NPTN: variants seen among roughly 807,000 people sequenced by gnomAD.
NPTN encodes SDR-1.
In NPTN, 5 loss-of-function variants were observed where a neutral mutation model predicts 42.7. The ratio of observed to expected loss-of-function variants is 0.12; its 90% CI spans 0.06 to 0.25. The LOEUF (loss-of-function observed/expected upper bound fraction) is 0.25. NPTN is among the 10% of genes least tolerant of loss of function. The pLI, the probability that NPTN is intolerant of heterozygous loss-of-function variation, is 1.00. For synonymous variants in NPTN, 180 were observed against 201.9 expected (o/e 0.89, Z 0.92); for missense variants, 307 against 525.4 (o/e 0.58, Z 4.06).
intron 4 of NPTN, among the ~76,000 whole-genome samples, chr15:73,580,588 TTATATATG>T (rs538340001): frequency 0.022 from 2,607 of 119,230 alleles, 99 homozygotes; most frequent in African/African-American, 0.081. Context: ...TATATACATG[TTATATATG>T]TATATATGTA....
intron 1 of NPTN, among the ~76,000 whole-genome samples, chr15:73,609,736 CCTTA>C (rs1897476521): frequency 6.6e-6 from 1 of 151,944 alleles, no homozygotes; most frequent in Non-Finnish European, 1.5e-5. Context: ...GCTTTTTTCC[CCTTA>C]CTTTTTTATA....
intron 1 of NPTN, among the ~76,000 whole-genome samples, chr15:73,629,457 G>T (rs939427527): frequency 1.3e-5 from 2 of 151,874 alleles, no homozygotes; most frequent in East Asian, 3.9e-4. Flanking sequence ...AGAGAAAATT[G>T]CTAAACCACT....
rs1225394719 is a variant in NPTN, at chr15:73,620,243, T to C, written c.91+12882A>G. On this transcript the variant is annotated intron_variant, in intron 1 of 8. Coordinates refer to ENST00000345330, the MANE Select transcript of NPTN (RefSeq NM_012428.4). ...AGTTTGCAAACCCTGCTTTAATGCATGTCAACAAAAAGAGTAAAGGCAAGT... is the reference window on the plus strand; with the variant it reads ...AGTTTGCAAACCCTGCTTTAATGCACGTCAACAAAAAGAGTAAAGGCAAGT... 2.0e-5 allele frequency among the ~76,000 whole-genome samples: 3 copies of C among 152,350 alleles called. No individual in the cohort carries two copies. In the East Asian group the frequency reaches 5.8e-4, roughly 29 times the overall value.
rs1456381570 is a variant in NPTN, at chr15:73,570,854, G to C, written c.841-431C>G. On this transcript the variant is annotated intron_variant, in intron 5 of 8. Transcript: ENST00000345330. The surrounding 1 kb of genome is among the most constrained non-coding windows in gnomAD (Gnocchi z 4.0). ...AGCACACTGACTTCACACTTGGTGA[G>C]TTCTGAGGAAGTCTCCTTAAACTTC... Among the ~76,000 whole-genome samples, 2 of 152,234 alleles carry C rather than the reference G, an allele frequency of 1.3e-5. 1 individual carries two copies. The highest frequency in any genetic ancestry group is 3.8e-4 in the East Asian group (2 of 5,198).
Position 73,569,476 on chromosome 15 carries a change from GT to G in NPTN, c.1114+673del. ...CAGCCTCGGGGCATGGACTCCATTT[GT>G]TCCGCCTTTGCTATCTCTGTCTTAC... On this transcript the variant is annotated intron_variant, in intron 6 of 8. Coordinates refer to ENST00000345330, the MANE Select transcript of NPTN (RefSeq NM_012428.4). The surrounding 1 kb of genome is among the most constrained non-coding windows in gnomAD (Gnocchi z 4.1). 1 of 985,388 alleles carries G rather than the reference GT, an allele frequency of 1.0e-6. No individual in the cohort carries two copies. The highest frequency in any genetic ancestry group is 1.2e-6 in the Non-Finnish European group (1 of 829,916). 61.0% of individuals were successfully genotyped at this position (985,388 alleles called of 1,614,324 possible).
rs1897111090 is a variant in NPTN, at chr15:73,602,193, A to G, written c.92-4824T>C. Among the ~76,000 whole-genome samples, 2 of 152,288 alleles carry G rather than the reference A, an allele frequency of 1.3e-5. 1 individual carries two copies. Among genetic ancestry groups the G allele is most frequent in the South Asian group, 4.1e-4 (2 of 4,826 alleles). On this transcript the variant is annotated intron_variant, in intron 1 of 8. Coordinates refer to ENST00000345330, the MANE Select transcript of NPTN (RefSeq NM_012428.4). Reference sequence around the variant, plus strand: ...CCTCCAGGGCAACCCACAGAACAAGAAATCAGACTAACTTTCTCTCTCCCT... The same window carrying G: ...CCTCCAGGGCAACCCACAGAACAAGGAATCAGACTAACTTTCTCTCTCCCT...
chr15:73,633,262 G>T lies in NPTN; in HGVS notation c.-47C>A. 7.3e-7 allele frequency: 1 copy of T among 1,368,102 alleles called. No individual in the cohort carries two copies. Among genetic ancestry groups the T allele is most frequent in the Non-Finnish European group, 9.8e-7 (1 of 1,023,076 alleles). 84.7% of individuals were successfully genotyped at this position (1,368,102 alleles called of 1,614,324 possible). ...CAGCGAATGGGCCGGGGCCAGAGCC[G>T]GGGCCGGGGAAGGGAGGGGAGGGAG... On this transcript the variant is annotated 5_prime_UTR_variant, in exon 1 of 9. Transcript: ENST00000345330.
intron 1 of NPTN, among the ~76,000 whole-genome samples, chr15:73,619,965 G>A (rs148850411): frequency 2.6e-5 from 4 of 152,234 alleles, no homozygotes; most frequent in East Asian, 1.9e-4. Context: ...TGAGGTATGC[G>A]TTATGTCTAA....
intron 4 of NPTN, among the ~76,000 whole-genome samples, chr15:73,576,351 T>C (rs1895696204): frequency 6.6e-6 from 1 of 152,070 alleles, no homozygotes; most frequent in Non-Finnish European, 1.5e-5. Context: ...TTTTTTGAGA[T>C]GCAGTCTCTC....
At chr15:73,598,123 T>C (rs1896912695) in intron 1 of NPTN, among the ~76,000 whole-genome samples, 3 of 152,268 alleles carry the variant, frequency 2.0e-5, no homozygotes, top group Middle Eastern at 3.4e-3. Flanking sequence ...TATTAATACT[T>C]TGTGGGTCAG....
chr15:73,576,743 CT>C (rs1895722929), intron 4 of NPTN, among the ~76,000 whole-genome samples: 3 of 152,186 alleles, frequency 2.0e-5, no homozygotes, highest in South Asian at 2.1e-4. Flanking sequence ...CTGGGCTCGA[CT>C]TTTTAACAGT....
At position 73,602,377 on chromosome 15, in the gene NPTN, C is replaced by T. The variant is rs116236060; in HGVS notation, c.92-5008G>A. Among the ~76,000 whole-genome samples the T allele has an allele frequency of 5.8e-3, 889 of 152,272 alleles. 6 individuals carry two copies. The highest frequency in any genetic ancestry group is 0.02 in the African/African-American group (847 of 41,540). ...CCTCGCAATAAAGAGAAAATGACAGCCAAGATCATAAGAGCGTTTCTCTCC... is the reference window on the plus strand; with the variant it reads ...CCTCGCAATAAAGAGAAAATGACAGTCAAGATCATAAGAGCGTTTCTCTCC... On this transcript the variant is annotated intron_variant, in intron 1 of 8. Transcript: ENST00000345330.
chr15:73,631,540 C>T (rs1898743793), intron 1 of NPTN, among the ~76,000 whole-genome samples: 1 of 152,150 alleles, frequency 6.6e-6, no homozygotes, highest in African/African-American at 2.4e-5. Flanking sequence ...AATAATGAAA[C>T]AAACTCTAAC....
chr15:73,564,922 G>A (rs980692020), intron 6 of NPTN, among the ~76,000 whole-genome samples: 3 of 152,158 alleles, frequency 2.0e-5, no homozygotes, highest in African/African-American at 4.8e-5. Context: ...ATAAAAAGCA[G>A]GGGAGGGAGA....
chr15:73,610,315 C>T (rs1000880503), intron 1 of NPTN, among the ~76,000 whole-genome samples: 5 of 152,158 alleles, frequency 3.3e-5, no homozygotes, highest in African/African-American at 1.2e-4. Flanking sequence ...ATGCTAGTCT[C>T]AAACTACTGG....
intron 1 of NPTN, among the ~76,000 whole-genome samples, chr15:73,614,827 G>C (rs1897784111): frequency 6.6e-6 from 1 of 152,104 alleles, no homozygotes; most frequent in Admixed American, 6.5e-5. Flanking sequence ...GTAGCCATCA[G>C]AGCCATCTTT....
At chr15:73,581,873 C>A (rs924569716) in intron 4 of NPTN, among the ~76,000 whole-genome samples, 1 of 151,720 alleles carries the variant, frequency 6.6e-6, no homozygotes, top group Non-Finnish European at 1.5e-5. Flanking sequence ...TTCGCTCTGT[C>A]GCCCAGGCTG....
At chr15:73,587,442 C>T in intron 4 of NPTN, 82 bp downstream of exon 4, 1 of 946,882 alleles carries the variant, frequency 1.1e-6, no homozygotes, top group South Asian at 1.3e-5. Context: ...AGAAGAGGAG[C>T]TTGAAGACTG....
intron 1 of NPTN, among the ~76,000 whole-genome samples, chr15:73,614,014 T>C (rs1595958468): frequency 6.6e-6 from 1 of 151,984 alleles, no homozygotes. Context: ...TTGTAACTTT[T>C]TGAAAAGTAT....
Sources: allele counts gnomAD v4.1 joint callset (sites outside exome capture counted in the v4.1 genomes callset), GRCh38; gene constraint gnomAD v4.1.1; non-coding constraint Gnocchi (gnomAD v3.1); transcripts MANE v1.5; gene names NCBI Gene and HGNC (gene_info 2026-07-23, HGNC 2026-07-21).